The following RYR2 variants were observed in gnomAD, a reference collection of about 807,000 sequenced individuals.
RYR2 encodes ryanodine receptor 2, also known as cardiac muscle ryanodine receptor-calcium release channel.
A neutral mutation model predicts 601.1 loss-of-function variants in RYR2; 227 were observed. The ratio of observed to expected loss-of-function variants is 0.38; its 90% confidence interval spans 0.34 to 0.42. RYR2 has a LOEUF of 0.42. RYR2 is among the 10% of genes least tolerant of loss of function. The probability of loss-of-function intolerance (pLI) is 1.00; values close to 1 mark genes in which losing one functional copy is unlikely to be tolerated. For synonymous variants in RYR2, 2,223 were observed against 2,175.1 expected (o/e 1.02, Z -0.61); for missense variants, 4,646 against 6,156.5 (o/e 0.75, Z 8.21).
At chr1:237,435,753 A>G (rs1707287929) in intron 12 of RYR2, among the ~76,000 whole-genome samples, 1 of 152,238 alleles carries the variant, frequency 6.6e-6, no homozygotes, top group Non-Finnish European at 1.5e-5. Context: ...ACACAGAAAT[A>G]CATATCTAAA....
At chr1:237,660,598 A>C (rs1319713462) in intron 55 of RYR2, among the ~76,000 whole-genome samples, 1 of 152,168 alleles carries the variant, frequency 6.6e-6, no homozygotes, top group Non-Finnish European at 1.5e-5. Flanking sequence ...TATAATGAAC[A>C]AAGCGAGGAT....
At chr1:237,357,120 AC>A (rs1699368650) in intron 4 of RYR2, among the ~76,000 whole-genome samples, 1 of 151,938 alleles carries the variant, frequency 6.6e-6, no homozygotes, top group Non-Finnish European at 1.5e-5. Flanking sequence ...ATTTCTGATG[AC>A]CTTTGAAAAC....
chr1:237,435,847 A>G (rs1315821125), intron 12 of RYR2, among the ~76,000 whole-genome samples: 1 of 152,198 alleles, frequency 6.6e-6, no homozygotes, highest in Non-Finnish European at 1.5e-5. Context: ...CAGTGGAGAT[A>G]TGTATATATT....
At chr1:237,707,821 G>T (rs549961828) in intron 68 of RYR2, among the ~76,000 whole-genome samples, 2 of 152,238 alleles carry the variant, frequency 1.3e-5, no homozygotes, top group South Asian at 4.1e-4. Flanking sequence ...GCCCAGGCAA[G>T]AGTGCAATGG....
In RYR2 at chr1:237,731,916, A is replaced by ACACACACACC. The variant is rs936901045; in HGVS notation, c.10936-127_10936-126insACACACCCAC. The ACACACACACC allele has an allele frequency of 0.032, 18,976 of 599,032 alleles. 308 individuals are homozygous for ACACACACACC. Among genetic ancestry groups the ACACACACACC allele is most frequent in the Admixed American group, 0.052 (1,887 of 36,156 alleles). The allele number at this position is 599,032 out of a possible 1,614,324, so 37.1% of individuals were successfully genotyped here. ...TACACACACACACACACACACACACACACCCCACAACAGGGAAGGAGGAAC... is the reference window on the plus strand; with the variant it reads ...TACACACACACACACACACACACACACACACACACCCACCCCACAACAGGGAAGGAGGAAC... On this transcript the variant is annotated intron_variant, in intron 77 of 104. Transcript: ENST00000366574.
chr1:237,123,614 T>C (rs573554869), intron 1 of RYR2, among the ~76,000 whole-genome samples: 13 of 149,128 alleles, frequency 8.7e-5, no homozygotes, highest in African/African-American at 3.2e-4. Flanking sequence ...AACAAAAAAG[T>C]GATGAAGACT....
intron 96 of RYR2, 116 bp from the exon 97 acceptor site, chr1:237,797,921 T>C: frequency 1.0e-6 from 1 of 955,284 alleles, no homozygotes; most frequent in Non-Finnish European, 1.5e-6. Flanking sequence ...AGATTTTAAG[T>C]GATTGTTAGG....
chr1:237,549,307 G>A (rs1370775130), intron 26 of RYR2, among the ~76,000 whole-genome samples: 1 of 152,206 alleles, frequency 6.6e-6, no homozygotes, highest in African/African-American at 2.4e-5. Context: ...GGGCGGGGTG[G>A]CTCACACTTG....
chr1:237,648,677 T>G, intron 49 of RYR2, 64 bp downstream of exon 49: 1 of 1,479,454 alleles, frequency 6.8e-7, no homozygotes, highest in Non-Finnish European at 9.1e-7. Context: ...ATGATGTTCT[T>G]TTTTATATAT....
chr1:237,684,241 C>T (rs111232942), intron 62 of RYR2, among the ~76,000 whole-genome samples: 1 of 152,018 alleles, frequency 6.6e-6, no homozygotes, highest in African/African-American at 2.4e-5. Context: ...CGGCCTCGTT[C>T]AGATATTTCT....
chr1:237,381,737 G>T (rs1438094483), intron 8 of RYR2, among the ~76,000 whole-genome samples: 1 of 152,168 alleles, frequency 6.6e-6, no homozygotes, highest in Non-Finnish European at 1.5e-5. Flanking sequence ...CTGCACCGTT[G>T]TCTGCTTTAT....
chr1:237,091,647 A>T (rs2148464435), intron 1 of RYR2, among the ~76,000 whole-genome samples: 1 of 152,122 alleles, frequency 6.6e-6, no homozygotes, highest in South Asian at 2.1e-4. Flanking sequence ...CTGGTCTCGA[A>T]CTTCTGGGCT....
intron 1 of RYR2, among the ~76,000 whole-genome samples, chr1:237,200,821 G>T (rs968087862): frequency 2.6e-5 from 4 of 152,126 alleles, no homozygotes; most frequent in Non-Finnish European, 4.4e-5. Flanking sequence ...TTGGTTTAAA[G>T]GAACCTCAAA....
chr1:237,302,705 C>T (rs2149458977), intron 2 of RYR2, among the ~76,000 whole-genome samples: 1 of 152,296 alleles, frequency 6.6e-6, no homozygotes, highest in African/African-American at 2.4e-5. Flanking sequence ...GCCAGAATAC[C>T]TTCAGCTAAA....
At chr1:237,602,540 T>G (rs1676624746) in intron 35 of RYR2, among the ~76,000 whole-genome samples, 1 of 152,208 alleles carries the variant, frequency 6.6e-6, no homozygotes, top group African/African-American at 2.4e-5. Context: ...ACATTTAGTT[T>G]GATTACTAAC....
At chr1:237,279,670 C>T (rs55800801) in intron 2 of RYR2, among the ~76,000 whole-genome samples, 329 of 152,226 alleles carry the variant, frequency 2.2e-3, no homozygotes, top group Non-Finnish European at 2.8e-3. Context: ...TTCATAGGAG[C>T]ACAGTTTTAT....
intron 2 of RYR2, among the ~76,000 whole-genome samples, chr1:237,317,424 A>G (rs1206619243): frequency 1.3e-5 from 2 of 152,216 alleles, no homozygotes; most frequent in Non-Finnish European, 2.9e-5. Context: ...TAAAGAAGAC[A>G]TAATTTATTT....
At chr1:237,621,151 A>G (rs1346882877) in intron 38 of RYR2, among the ~76,000 whole-genome samples, 3 of 152,166 alleles carry the variant, frequency 2.0e-5, no homozygotes, top group Non-Finnish European at 4.4e-5. Context: ...TAAACAACAC[A>G]CTTCTAAATA....
intron 2 of RYR2, among the ~76,000 whole-genome samples, chr1:237,275,772 T>C (rs1690222230): frequency 6.6e-6 from 1 of 152,152 alleles, no homozygotes; most frequent in Non-Finnish European, 1.5e-5. Flanking sequence ...TATTAAAGAA[T>C]ATTGACAATA....
Sources: allele counts gnomAD v4.1 joint callset (sites outside exome capture counted in the v4.1 genomes callset), GRCh38; gene constraint gnomAD v4.1.1; transcripts MANE v1.5; gene names NCBI Gene and HGNC (gene_info 2026-07-23, HGNC 2026-07-21).